The following CHIC2 variants were observed in gnomAD, a reference collection of about 807,000 sequenced individuals.
CHIC2 encodes the protein cysteine-rich hydrophobic domain-containing protein 2.
In CHIC2, 14 loss-of-function variants were observed where a neutral mutation model predicts 25.9. That is an observed-to-expected ratio of 0.54 (90% confidence interval 0.36 to 0.85). CHIC2 has a LOEUF of 0.85. Among genes scored for constraint, CHIC2 ranks in the 40% least tolerant of loss-of-function variants. The probability of loss-of-function intolerance (pLI) is 0.01; values close to 1 mark genes in which losing one functional copy is unlikely to be tolerated. For missense variants in CHIC2, 146 were observed against 202.0 expected (o/e 0.72, Z 1.68); for synonymous variants, 70 against 72.0 (o/e 0.97, Z 0.14).
At chr4:54,082,320 CTGAGCAATGCTCA>C in the CHIC2 span, among the ~76,000 whole-genome samples, 1 of 152,366 alleles carries the variant, frequency 6.6e-6, no homozygotes, top group East Asian at 1.9e-4. Flanking sequence ...GACTGGGAAT[CTGAGCAATGCTCA>C]TGGCAATAAG....
chr4:54,078,768 G>C, the CHIC2 span, among the ~76,000 whole-genome samples: 1 of 151,860 alleles, frequency 6.6e-6, no homozygotes, highest in Non-Finnish European at 1.5e-5. Context: ...GCCCACCTTG[G>C]CCTCCCAAAG....
the CHIC2 span, among the ~76,000 whole-genome samples, chr4:54,084,663 A>G: frequency 6.6e-6 from 1 of 152,086 alleles, no homozygotes; most frequent in African/African-American, 2.4e-5. Flanking sequence ...TAACAGGCTA[A>G]GCACAGTGGC....
intron 3 of CHIC2, among the ~76,000 whole-genome samples, chr4:54,030,589 A>C (rs2110070750): frequency 6.9e-6 from 1 of 145,518 alleles, no homozygotes; most frequent in East Asian, 2.0e-4. Flanking sequence ...CAATATATAA[A>C]TGTATAAATC....
intron 1 of CHIC2, among the ~76,000 whole-genome samples, chr4:54,055,882 T>C (rs1355451455): frequency 6.6e-6 from 1 of 152,190 alleles, no homozygotes. Flanking sequence ...GTATACTCTA[T>C]TTATACAAAA....
At chr4:54,087,048 G>A in the CHIC2 span, 1 of 1,153,398 alleles carries the variant, frequency 8.7e-7, no homozygotes. Flanking sequence ...AAAGAAGGCA[G>A]CTGGTCCACA....
intron 3 of CHIC2, among the ~76,000 whole-genome samples, chr4:54,033,079 G>T (rs1261263890): frequency 2.6e-5 from 4 of 152,162 alleles, no homozygotes. Flanking sequence ...ATTATAAGCT[G>T]AGTCCTCCCC....
intron 3 of CHIC2, among the ~76,000 whole-genome samples, chr4:54,027,273 C>T (rs1716088134): frequency 1.3e-5 from 2 of 152,166 alleles, no homozygotes; most frequent in African/African-American, 4.8e-5. Context: ...TGAATGTCAG[C>T]CAGCTGTTGA....
At chr4:54,045,312 A>G (rs1335715496) in intron 3 of CHIC2, among the ~76,000 whole-genome samples, 2 of 152,232 alleles carry the variant, frequency 1.3e-5, no homozygotes, top group African/African-American at 4.8e-5. Context: ...GGCCAGCATC[A>G]TCCTGATACC....
At chr4:54,065,689 A>G (rs1717502249), upstream of CHIC2, among the ~76,000 whole-genome samples, 1 of 152,158 alleles carries the variant, frequency 6.6e-6, no homozygotes, top group African/African-American at 2.4e-5. Flanking sequence ...GACAGTGAGG[A>G]TACACCATGG....
chr4:54,035,190 C>G (rs2110074371), intron 3 of CHIC2, among the ~76,000 whole-genome samples: 1 of 152,206 alleles, frequency 6.6e-6, no homozygotes, highest in Non-Finnish European at 1.5e-5. Context: ...GAACATTTTT[C>G]TGTAGACTTT....
rs1717120092 is a variant in CHIC2, at chr4:54,054,669, C to A, written c.120-5364G>T. 2.0e-5 allele frequency among the ~76,000 whole-genome samples: 3 copies of A among 152,182 alleles called. No homozygotes were observed. In the South Asian group the frequency reaches 6.2e-4, roughly 31 times the overall value. ...TTTGGCTAATTAGATCACAAGTGGG[C>A]ATCTGCTTTAAGAACAGCTAATCCC... On this transcript the variant is annotated intron_variant, in intron 1 of 5. Transcript: ENST00000263921.
intron 3 of CHIC2, among the ~76,000 whole-genome samples, chr4:54,035,072 T>C (rs1228496228): frequency 6.6e-6 from 1 of 152,252 alleles, no homozygotes; most frequent in South Asian, 2.1e-4. Flanking sequence ...CTTACTTACC[T>C]TCCTGGGAAG....
At chr4:54,045,332 C>T (rs1716748525) in intron 3 of CHIC2, among the ~76,000 whole-genome samples, 1 of 152,126 alleles carries the variant, frequency 6.6e-6, no homozygotes. Context: ...CAAAGCCGGG[C>T]AGAGACACAA....
intron 3 of CHIC2, among the ~76,000 whole-genome samples, chr4:54,043,958 G>T (rs1324618022): frequency 6.6e-6 from 1 of 152,102 alleles, no homozygotes; most frequent in Admixed American, 6.5e-5. Flanking sequence ...GATGGAGGAA[G>T]ATCTACTAAG....
At chr4:54,078,986 G>T in the CHIC2 span, among the ~76,000 whole-genome samples, 1 of 151,410 alleles carries the variant, frequency 6.6e-6, no homozygotes, top group African/African-American at 2.4e-5. Context: ...GGAGGCTGAG[G>T]CAGGCAGATC....
In CHIC2 at chr4:54,064,580, C is replaced by T; in HGVS notation, c.-280G>A. 1 of 1,256,446 alleles carries T rather than the reference C, an allele frequency of 8.0e-7. No homozygotes were observed. The highest frequency in any genetic ancestry group is 1.0e-6 in the Non-Finnish European group (1 of 999,512). The allele number at this position is 1,256,446 out of a possible 1,614,324, so 77.8% of individuals were successfully genotyped here. A position where few individuals can be genotyped will look rare whatever the true frequency, so the allele number is the denominator to read the frequency against. On this transcript the variant is annotated 5_prime_UTR_variant, in exon 1 of 6. Coordinates refer to ENST00000263921, the MANE Select transcript of CHIC2 (RefSeq NM_012110.4). The surrounding 1 kb of genome is among the most constrained non-coding windows in gnomAD (Gnocchi z 4.2). The stretch of plus-strand genomic sequence containing the variant: ...ACAAGCACAGACGCCGCTGCCGCCG[C>T]CGCAGCAGCAGCAACTCAGGAAACC...
the CHIC2 span, among the ~76,000 whole-genome samples, chr4:54,072,396 C>T: frequency 9.9e-5 from 15 of 152,170 alleles, no homozygotes; most frequent in African/African-American, 2.2e-4. Context: ...TTTAAGTTCA[C>T]GACAATCTGG....
intron 5 of CHIC2, among the ~76,000 whole-genome samples, chr4:54,010,856 C>T (rs116207831): frequency 0.017 from 2,517 of 152,064 alleles, 70 homozygotes; most frequent in African/African-American, 0.053. Flanking sequence ...TCCTTTATCT[C>T]TTAATTTTTT....
the CHIC2 span, among the ~76,000 whole-genome samples, chr4:54,073,883 G>A: frequency 2.6e-5 from 4 of 152,152 alleles, no homozygotes; most frequent in Non-Finnish European, 4.4e-5. Flanking sequence ...TAGACCGGGC[G>A]CAGTGGCTCA....
Sources: allele counts gnomAD v4.1 joint callset (sites outside exome capture counted in the v4.1 genomes callset), GRCh38; gene constraint gnomAD v4.1.1; non-coding constraint Gnocchi (gnomAD v3.1); transcripts MANE v1.5; gene names NCBI Gene and HGNC (gene_info 2026-07-23, HGNC 2026-07-21).